STXBP5: variants seen among roughly 807,000 people sequenced by gnomAD.
STXBP5 encodes the protein syntaxin binding protein 5, also known as syntaxin-binding protein 5.
STXBP5 carries 50 observed loss-of-function variants against 152.4 expected under a neutral mutation model. The ratio of observed to expected loss-of-function variants is 0.33; its 90% CI spans 0.26 to 0.42. STXBP5 has a LOEUF of 0.42. Ranked by LOEUF, STXBP5 falls within the 10% of genes least tolerant of loss-of-function variation. The probability of loss-of-function intolerance (pLI) is 1.00; values close to 1 mark genes in which losing one functional copy is unlikely to be tolerated. For synonymous variants in STXBP5, 492 were observed against 494.7 expected (o/e 0.99, Z 0.07); for missense variants, 1,167 against 1,388.6 (o/e 0.84, Z 2.54).
rs932308176 is a variant in STXBP5, at chr6:147,266,989, G to A, written c.631-95G>A. On this transcript the variant is annotated intron_variant, in intron 6 of 27. Coordinates refer to ENST00000321680, the MANE Select transcript of STXBP5 (RefSeq NM_001127715.4). ...TTTATATTATACATTTATACTCAAC[G>A]CATTTGAATGATAGTAGTTATTTTC... is the stretch of plus-strand genomic sequence containing the variant. 12 of 988,436 alleles carry A rather than the reference G, an allele frequency of 1.2e-5. No homozygotes were observed. The Admixed American group carries it at 1.7e-4, about 14-fold the overall frequency. 61.2% of individuals were successfully genotyped at this position (988,436 alleles called of 1,614,324 possible).
At chr6:147,286,467 T>C (rs1337670420) in intron 8 of STXBP5, among the ~76,000 whole-genome samples, 1 of 152,194 alleles carries the variant, frequency 6.6e-6, no homozygotes, top group East Asian at 1.9e-4. Flanking sequence ...TAAATATTTA[T>C]GTCAAAACTC....
intron 4 of STXBP5, among the ~76,000 whole-genome samples, chr6:147,252,769 A>G (rs1041361609): frequency 3.3e-5 from 5 of 152,186 alleles, no homozygotes; most frequent in African/African-American, 1.2e-4. Flanking sequence ...CAAGACACAC[A>G]ATTGTCAGAT....
intron 8 of STXBP5, among the ~76,000 whole-genome samples, chr6:147,282,705 C>T (rs982134042): frequency 1.3e-5 from 2 of 152,104 alleles, no homozygotes; most frequent in African/African-American, 4.8e-5. Context: ...ATAACTTCGA[C>T]AGTATTGGCA....
chr6:147,255,037 A>G (rs1251484538), intron 4 of STXBP5, among the ~76,000 whole-genome samples: 1 of 152,232 alleles, frequency 6.6e-6, no homozygotes, highest in African/African-American at 2.4e-5. Context: ...TTGCAGTACT[A>G]TTCACAATAG....
chr6:147,305,412 ATGT>A (rs1782039629), intron 9 of STXBP5, among the ~76,000 whole-genome samples: 1 of 152,174 alleles, frequency 6.6e-6, no homozygotes, highest in South Asian at 2.1e-4. Context: ...ATTTTTGAAA[ATGT>A]TGTTTTGGAT....
At chr6:147,337,956 A>T (rs1352762941) in intron 19 of STXBP5, among the ~76,000 whole-genome samples, 3 of 152,098 alleles carry the variant, frequency 2.0e-5, no homozygotes, top group Non-Finnish European at 2.9e-5. Context: ...TGTCAAGGAC[A>T]TTCACCACTT....
Position 147,287,622 on chromosome 6 carries a change from A to G in STXBP5, c.839-3472A>G, listed in dbSNP as rs531729944. 6.6e-5 allele frequency among the ~76,000 whole-genome samples: 10 copies of G among 152,322 alleles called. No individual in the cohort carries two copies. In the South Asian group the frequency reaches 8.3e-4, roughly 13 times the overall value. On this transcript the variant is annotated intron_variant, in intron 8 of 27. Coordinates refer to ENST00000321680, the MANE Select transcript of STXBP5 (RefSeq NM_001127715.4). Reference sequence around the variant, plus strand: ...ATGTTCTGGCATTTCTTTTATGTTAATGGCTGTGTCAGAGCCAGTTGTTTG... The same window carrying G: ...ATGTTCTGGCATTTCTTTTATGTTAGTGGCTGTGTCAGAGCCAGTTGTTTG...
At chr6:147,343,350 T>C (rs780982141) in intron 21 of STXBP5, among the ~76,000 whole-genome samples, 12 of 152,178 alleles carry the variant, frequency 7.9e-5, no homozygotes, top group Non-Finnish European at 1.3e-4. Flanking sequence ...TTAGTTCTCT[T>C]ACACATGAAT....
chr6:147,317,687 C>G (rs1014448145), intron 16 of STXBP5, among the ~76,000 whole-genome samples: 5 of 152,154 alleles, frequency 3.3e-5, no homozygotes, highest in African/African-American at 7.2e-5. Context: ...GTTTTTCTTT[C>G]TCTCCTCTCC....
chr6:147,234,582 T>A (rs2115172970), intron 2 of STXBP5, among the ~76,000 whole-genome samples: 1 of 152,086 alleles, frequency 6.6e-6, no homozygotes, highest in South Asian at 2.1e-4. Flanking sequence ...AATGAGTTGA[T>A]ATAAATAACA....
At chr6:147,361,612 A>G (rs1785071332) in intron 23 of STXBP5, among the ~76,000 whole-genome samples, 1 of 152,172 alleles carries the variant, frequency 6.6e-6, no homozygotes, top group Non-Finnish European at 1.5e-5. Flanking sequence ...TTCAAGAGGA[A>G]GATTCAACAG....
intron 2 of STXBP5, among the ~76,000 whole-genome samples, chr6:147,229,838 T>C (rs541526271): frequency 3.2e-4 from 48 of 152,124 alleles, no homozygotes; most frequent in Non-Finnish European, 6.5e-4. Context: ...CTTTCTATTC[T>C]GAACACTTTT....
intron 2 of STXBP5, among the ~76,000 whole-genome samples, chr6:147,221,773 G>T (rs1157032643): frequency 6.7e-6 from 1 of 150,108 alleles, no homozygotes; most frequent in African/African-American, 2.5e-5. Flanking sequence ...ATTCTGCTTG[G>T]TATTTTCTTA....
intron 9 of STXBP5, among the ~76,000 whole-genome samples, chr6:147,309,614 G>A (rs1226509800): frequency 6.6e-6 from 1 of 152,062 alleles, no homozygotes; most frequent in Non-Finnish European, 1.5e-5. Flanking sequence ...TGATTTGAGT[G>A]ACTTCGCAGT....
chr6:147,372,390 T>A (rs1320540582), intron 25 of STXBP5, among the ~76,000 whole-genome samples: 2 of 141,076 alleles, frequency 1.4e-5, no homozygotes, highest in Non-Finnish European at 3.0e-5. Context: ...TATATAAATG[T>A]TACTACCGTC....
Position 147,359,186 on chromosome 6 carries a change from T to A in STXBP5, c.2408T>A (p.Phe803Tyr). The A allele has an allele frequency of 6.2e-7, 1 of 1,614,058 alleles. No homozygotes were observed. The highest frequency in any genetic ancestry group is 8.5e-7 in the Non-Finnish European group (1 of 1,179,944). Residue 803 changes from phenylalanine (F) to tyrosine (Y), a missense_variant, in exon 23 of 28, where the codon TTT becomes TAT. By Grantham distance (22) the Phe-to-Tyr change is conservative. Transcript: ENST00000321680. ...AISALHFCET[F>Y]TRKTDSSPSP... is the part of the protein sequence containing the mutation. ...TCCGCTCTTCATTTCTGTGAAACGT[T>A]TACTCGAAAGACGGACTCGTCCCCT...
chr6:147,208,224 T>C (rs1776671040), intron 2 of STXBP5, among the ~76,000 whole-genome samples: 1 of 152,124 alleles, frequency 6.6e-6, no homozygotes, highest in African/African-American at 2.4e-5. Context: ...TTATGAGATT[T>C]CTATGGACAT....
intron 16 of STXBP5, among the ~76,000 whole-genome samples, chr6:147,324,395 C>G (rs1326218416): frequency 6.6e-6 from 1 of 150,382 alleles, no homozygotes; most frequent in East Asian, 2.0e-4. Flanking sequence ...GCCTCAGCCT[C>G]CAGAGTAGCT....
intron 7 of STXBP5, among the ~76,000 whole-genome samples, chr6:147,273,733 C>G (rs761465520): frequency 6.6e-6 from 1 of 152,052 alleles, no homozygotes; most frequent in Non-Finnish European, 1.5e-5. Context: ...GGGCAGATCA[C>G]GAGGTCAGGA....
Sources: allele counts gnomAD v4.1 joint callset (sites outside exome capture counted in the v4.1 genomes callset), GRCh38; gene constraint gnomAD v4.1.1; transcripts MANE v1.5; gene names NCBI Gene and HGNC (gene_info 2026-07-23, HGNC 2026-07-21).